SLC24A2: variants seen among roughly 807,000 people sequenced by gnomAD.
The protein encoded by SLC24A2 is solute carrier family 24 member 2.
Under a neutral mutation model 62.0 loss-of-function variants are expected in SLC24A2, and 36 were observed. The ratio of observed to expected loss-of-function variants is 0.58; its 90% confidence interval spans 0.44 to 0.77. SLC24A2 has a LOEUF of 0.77. SLC24A2 is among the 30% of genes least tolerant of loss of function. The pLI, the probability that SLC24A2 is intolerant of heterozygous loss-of-function variation, is 0.00. For missense variants in SLC24A2, 846 were observed against 817.9 expected, an observed-to-expected ratio of 1.03 and a Z score of -0.42; for synonymous variants, 358 against 294.0, an observed-to-expected ratio of 1.22 and a Z score of -2.23.
At chr9:20,108,456 C>A in the SLC24A2 span, among the ~76,000 whole-genome samples, 3 of 152,128 alleles carry the variant, frequency 2.0e-5, no homozygotes, top group Admixed American at 2.0e-4. Context: ...CCCAAATGTC[C>A]AACAGTGATA....
chr9:19,732,615 T>A (rs1359645243), intron 2 of SLC24A2, among the ~76,000 whole-genome samples: 6 of 152,200 alleles, frequency 3.9e-5, no homozygotes, highest in Admixed American at 6.5e-5. Context: ...ATGTCAGTCA[T>A]ACATTAGTAT....
chr9:19,658,016 C>A (rs1344332703), intron 2 of SLC24A2, among the ~76,000 whole-genome samples: 1 of 152,190 alleles, frequency 6.6e-6, no homozygotes, highest in African/African-American at 2.4e-5. Flanking sequence ...TCCTGCTAGA[C>A]TGTGAGTTCC....
the SLC24A2 span, among the ~76,000 whole-genome samples, chr9:20,096,068 TATCCATCCATCC>T: frequency 6.7e-5 from 10 of 149,900 alleles, no homozygotes; most frequent in East Asian, 1.6e-3. Context: ...ACCATATCTG[TATCCATCCATCC>T]ATCCATCCGT....
the SLC24A2 span, among the ~76,000 whole-genome samples, chr9:20,022,273 T>A: frequency 6.6e-6 from 1 of 152,340 alleles, no homozygotes; most frequent in East Asian, 1.9e-4. Context: ...AATTTATGAA[T>A]GATAAAAATA....
At chr9:19,772,250 T>G (rs1822711770) in intron 2 of SLC24A2, among the ~76,000 whole-genome samples, 1 of 152,122 alleles carries the variant, frequency 6.6e-6, no homozygotes, top group Non-Finnish European at 1.5e-5. Context: ...TGAATCCTCC[T>G]CCAATTCTTA....
the SLC24A2 span, among the ~76,000 whole-genome samples, chr9:19,909,246 G>T: frequency 2.0e-5 from 3 of 151,610 alleles, no homozygotes; most frequent in Admixed American, 1.3e-4. Flanking sequence ...AAAACCAAAC[G>T]CCGCATGTTC....
chr9:19,950,068 G>A, the SLC24A2 span, among the ~76,000 whole-genome samples: 2 of 152,170 alleles, frequency 1.3e-5, no homozygotes, highest in Non-Finnish European at 2.9e-5. Flanking sequence ...TGGGTATAGT[G>A]GTTAAAAGGA....
At chr9:20,262,820 TG>T in the SLC24A2 span, among the ~76,000 whole-genome samples, 2 of 152,206 alleles carry the variant, frequency 1.3e-5, no homozygotes, top group African/African-American at 2.4e-5. Context: ...CCCTCCTAGG[TG>T]TCTGCACTGA....
the SLC24A2 span, among the ~76,000 whole-genome samples, chr9:20,136,128 G>A: frequency 6.6e-6 from 1 of 152,182 alleles, no homozygotes; most frequent in Non-Finnish European, 1.5e-5. Context: ...GCCTGGAAGA[G>A]AGGCAACTCA....
chr9:19,613,670 CAATAAT>C (rs963500178), intron 4 of SLC24A2, among the ~76,000 whole-genome samples: 6 of 152,078 alleles, frequency 3.9e-5, no homozygotes, highest in African/African-American at 1.4e-4. Flanking sequence ...ATATCAATAA[CAATAAT>C]AATAAAATCC....
At chr9:20,237,574 AC>A in the SLC24A2 span, among the ~76,000 whole-genome samples, 1 of 152,236 alleles carries the variant, frequency 6.6e-6, no homozygotes, top group East Asian at 1.9e-4. Flanking sequence ...CCCTGAGCAC[AC>A]TGGCGTGCCA....
chr9:19,829,237 C>G, the SLC24A2 span, among the ~76,000 whole-genome samples: 1 of 152,166 alleles, frequency 6.6e-6, no homozygotes, highest in Non-Finnish European at 1.5e-5. Context: ...AAGACTCTTT[C>G]TATGAAGTCC....
chr9:19,716,397 G>C (rs1266621979), intron 2 of SLC24A2, among the ~76,000 whole-genome samples: 2 of 152,186 alleles, frequency 1.3e-5, no homozygotes, highest in African/African-American at 4.8e-5. Flanking sequence ...GCCAGGAATT[G>C]TGTGGGTCCC....
At chr9:20,001,958 T>C in the SLC24A2 span, among the ~76,000 whole-genome samples, 1 of 152,170 alleles carries the variant, frequency 6.6e-6, no homozygotes, top group African/African-American at 2.4e-5. Context: ...AAGGTAAGAA[T>C]ACTGTTTATG....
intron 4 of SLC24A2, among the ~76,000 whole-genome samples, chr9:19,612,686 C>A (rs911387501): frequency 1.3e-5 from 2 of 152,146 alleles, no homozygotes; most frequent in African/African-American, 4.8e-5. Context: ...GACTACCTCT[C>A]TGCTCATTCA....
chr9:20,240,771 G>T, the SLC24A2 span, among the ~76,000 whole-genome samples: 4 of 152,100 alleles, frequency 2.6e-5, no homozygotes, highest in Admixed American at 2.6e-4. Flanking sequence ...AAAATTCCAG[G>T]AAGAGGGCTT....
At chr9:20,104,395 T>A in the SLC24A2 span, among the ~76,000 whole-genome samples, 3 of 152,038 alleles carry the variant, frequency 2.0e-5, 1 homozygote, top group South Asian at 6.2e-4. Flanking sequence ...GACACATAAT[T>A]GTCAGATTCA....
the SLC24A2 span, among the ~76,000 whole-genome samples, chr9:20,163,588 A>AT: frequency 6.6e-6 from 1 of 152,206 alleles, no homozygotes; most frequent in Non-Finnish European, 1.5e-5. Flanking sequence ...TGCCATCCCC[A>AT]TCAAGCTACC....
At chr9:20,149,402 G>T in the SLC24A2 span, among the ~76,000 whole-genome samples, 6 of 152,042 alleles carry the variant, frequency 3.9e-5, no homozygotes, top group African/African-American at 1.4e-4. Flanking sequence ...CTTCCATAGG[G>T]ATGATTTTTT....
Sources: allele counts gnomAD v4.1 joint callset (sites outside exome capture counted in the v4.1 genomes callset), GRCh38; gene constraint gnomAD v4.1.1; transcripts MANE v1.5; gene names NCBI Gene and HGNC (gene_info 2026-07-23, HGNC 2026-07-21).